VKORC1L1: variants seen among roughly 807,000 people sequenced by gnomAD.
VKORC1L1 encodes vitamin K epoxide reductase complex subunit 1-like protein 1.
VKORC1L1 carries 2 observed loss-of-function variants against 18.9 expected under a neutral mutation model. That is an observed-to-expected ratio of 0.11 (90% confidence interval 0.04 to 0.33). VKORC1L1 has a LOEUF of 0.33. Among genes scored for constraint, VKORC1L1 ranks in the 10% least tolerant of loss-of-function variants. The pLI is 1.00. For synonymous variants in VKORC1L1, 96 were observed against 100.0 expected, an observed-to-expected ratio of 0.96 and a Z score of 0.24; for missense variants, 123 against 224.1, an observed-to-expected ratio of 0.55 and a Z score of 2.88.
intron 1 of VKORC1L1, among the ~76,000 whole-genome samples, chr7:65,884,840 TA>T (rs1788986878): frequency 6.6e-6 from 1 of 152,204 alleles, no homozygotes; most frequent in South Asian, 2.1e-4. Flanking sequence ...GTTTCACATT[TA>T]AAAAATTTAT....
chr7:65,879,963 A>C lies in VKORC1L1; in HGVS notation c.194+6398A>C, dbSNP rs377274384. Among the ~76,000 whole-genome samples, 218 of 151,896 alleles carry C rather than the reference A, an allele frequency of 1.4e-3. 3 individuals are homozygous for C. Among genetic ancestry groups the C allele is most frequent in the South Asian group, 0.012 (57 of 4,822 alleles). ...ACCTCCCTGGGTCAAGTGATCCTCC[A>C]ACCTCAGCTTCCTGAGTAGCTGGGT... On this transcript the variant is annotated intron_variant, in intron 1 of 2. Transcript: ENST00000360768.
At chr7:65,934,313 C>T (rs1789906044) in intron 1 of VKORC1L1, among the ~76,000 whole-genome samples, 1 of 151,974 alleles carries the variant, frequency 6.6e-6, no homozygotes, top group African/African-American at 2.4e-5. Context: ...TATAATTTAC[C>T]AATATAATAT....
chr7:65,952,705 T>C (rs2115751721), intron 2 of VKORC1L1, among the ~76,000 whole-genome samples: 1 of 151,598 alleles, frequency 6.6e-6, no homozygotes, highest in East Asian at 1.9e-4. Context: ...ATATTCTCTA[T>C]ACTGTTGCCT....
chr7:65,954,686 C>G lies in VKORC1L1; in HGVS notation c.*386C>G. On this transcript the variant is annotated 3_prime_UTR_variant, in exon 3 of 3. Transcript: ENST00000360768. ...AATGTGATCATGACATGAAAATATT[C>G]TAGAATAGATACTGTATTAAATATT... The G allele has an allele frequency of 4.1e-6, 1 of 246,354 alleles. No homozygotes were observed. The highest frequency in any genetic ancestry group is 4.9e-5 in the Admixed American group (1 of 20,386). The allele number at this position is 246,354 out of a possible 1,614,324, so 15.3% of individuals were successfully genotyped here.
intron 1 of VKORC1L1, among the ~76,000 whole-genome samples, chr7:65,947,452 G>A (rs1790140297): frequency 2.7e-5 from 4 of 146,076 alleles, no homozygotes; most frequent in South Asian, 2.2e-4. Context: ...AAGCACTCTC[G>A]TTCAATCCAG....
Position 65,939,733 on chromosome 7 carries a change from A to G in VKORC1L1, c.195-8938A>G, listed in dbSNP as rs191299806. On this transcript the variant is annotated intron_variant, in intron 1 of 2. Coordinates refer to ENST00000360768, the MANE Select transcript of VKORC1L1 (RefSeq NM_173517.6). ...TAGCCAGAGCAGCGACAGGGAAGCC[A>G]CAGGTTACAACAGATTTGCGAACTC... is the stretch of plus-strand genomic sequence containing the variant. 2.7e-3 allele frequency among the ~76,000 whole-genome samples: 404 copies of G among 152,336 alleles called. 2 individuals are homozygous for G. The highest frequency in any genetic ancestry group is 9.3e-3 in the African/African-American group (386 of 41,578).
chr7:65,954,232 A>G lies in VKORC1L1; in HGVS notation c.463A>G (p.Ile155Val). Reference sequence around the variant, plus strand: ...CGTGCTGAACTTCCTTCTTCTCATTATCAACTACAAACGACTAGTTTACTT... The same window carrying G: ...CGTGCTGAACTTCCTTCTTCTCATTGTCAACTACAAACGACTAGTTTACTT... ...TYVLNFLLLI[I>V]NYKRLVYLNE... Residue 155 changes from isoleucine to valine, a missense_variant, in exon 3 of 3, where the codon ATC (isoleucine) becomes GTC (valine). Coordinates refer to ENST00000360768, the MANE Select transcript of VKORC1L1 (RefSeq NM_173517.6). The G allele has an allele frequency of 6.2e-7, 1 of 1,614,130 alleles. No individual in the cohort carries two copies. The highest frequency in any genetic ancestry group is 8.5e-7 in the Non-Finnish European group (1 of 1,180,042).
chr7:65,939,724 A>G (rs1220876074), intron 1 of VKORC1L1, among the ~76,000 whole-genome samples: 1 of 152,208 alleles, frequency 6.6e-6, no homozygotes, highest in Non-Finnish European at 1.5e-5. Context: ...GAGCAGCGAC[A>G]GGGAAGCCAC....
intron 1 of VKORC1L1, among the ~76,000 whole-genome samples, chr7:65,918,273 G>T (rs1789620573): frequency 1.3e-5 from 2 of 152,196 alleles, no homozygotes; most frequent in South Asian, 4.1e-4. Flanking sequence ...ACTCTTCAGG[G>T]AATGCAAAGT....
intron 1 of VKORC1L1, among the ~76,000 whole-genome samples, chr7:65,916,754 A>G (rs1789596056): frequency 2.6e-5 from 4 of 152,050 alleles, no homozygotes; most frequent in Admixed American, 6.5e-5. Flanking sequence ...CTGCGCCACC[A>G]TGCCTGGCTA....
intron 1 of VKORC1L1, among the ~76,000 whole-genome samples, chr7:65,937,213 T>A (rs1789958779): frequency 7.0e-6 from 1 of 143,618 alleles, no homozygotes; most frequent in African/African-American, 2.6e-5. Flanking sequence ...CCCAAGAAAC[T>A]CCAGTGTACT....
intron 1 of VKORC1L1, among the ~76,000 whole-genome samples, chr7:65,926,170 A>ATTT (rs869122114): frequency 7.5e-6 from 1 of 132,592 alleles, no homozygotes; most frequent in African/African-American, 2.7e-5. Context: ...TATTATTATT[A>ATTT]TTTGAGACAG....
intron 1 of VKORC1L1, among the ~76,000 whole-genome samples, chr7:65,942,491 C>CAAA (rs764138467): frequency 0.12 from 9,147 of 75,242 alleles, 452 homozygotes; most frequent in Admixed American, 0.16. Flanking sequence ...GACTCCATCT[C>CAAA]AAAAAAAAAA....
At chr7:65,866,596 C>A in the VKORC1L1 span, among the ~76,000 whole-genome samples, 1 of 152,154 alleles carries the variant, frequency 6.6e-6, no homozygotes, top group African/African-American at 2.4e-5. Context: ...AACACAGAGA[C>A]AGTTAGGTTA....
chr7:65,906,704 A>G (rs1789411651), intron 1 of VKORC1L1, among the ~76,000 whole-genome samples: 1 of 152,214 alleles, frequency 6.6e-6, no homozygotes. Context: ...ACATGGTAAT[A>G]AGCAGAGTCC....
In VKORC1L1 at chr7:65,957,965, A is replaced by T. The variant is rs73372611; in HGVS notation, c.*3665A>T. 3.1e-3 allele frequency: 479 copies of T among 152,364 alleles called. 4 individuals carry two copies. Among genetic ancestry groups the T allele is most frequent in the African/African-American group, 0.011 (457 of 41,582 alleles). 9.4% of individuals were successfully genotyped at this position (152,364 alleles called of 1,614,324 possible). On this transcript the variant is annotated 3_prime_UTR_variant, in exon 3 of 3. Transcript: ENST00000360768. ...TTAGATTGGTACCAAGAGTGACAGG[A>T]GATCTTGTCTTGGAAGATCATTATT... is the stretch of plus-strand genomic sequence containing the variant.
At chr7:65,901,633 G>A (rs1789318740) in intron 1 of VKORC1L1, among the ~76,000 whole-genome samples, 1 of 152,188 alleles carries the variant, frequency 6.6e-6, no homozygotes, top group South Asian at 2.1e-4. Flanking sequence ...GTCAAACAGA[G>A]CATGGTGTCT....
rs982508246 is a variant in VKORC1L1, at chr7:65,954,611, C to T, written c.*311C>T. 4.2e-5 allele frequency: 17 copies of T among 406,486 alleles called. No individual in the cohort carries two copies. The Admixed American group carries it at 6.8e-4, about 16-fold the overall frequency. 25.2% of individuals were successfully genotyped at this position (406,486 alleles called of 1,614,324 possible). On this transcript the variant is annotated 3_prime_UTR_variant, in exon 3 of 3. Coordinates refer to ENST00000360768, the MANE Select transcript of VKORC1L1 (RefSeq NM_173517.6). The stretch of plus-strand genomic sequence containing the variant: ...CTGCCCTCAATTGTAAAGTGAGCAA[C>T]CATTGCTAGTAATTCTTTAATGTGT...
At chr7:65,883,660 C>T (rs1292025402) in intron 1 of VKORC1L1, among the ~76,000 whole-genome samples, 5 of 151,196 alleles carry the variant, frequency 3.3e-5, no homozygotes, top group African/African-American at 4.9e-5. Flanking sequence ...CCACCAAACC[C>T]GGCTAATTTT....
Sources: allele counts gnomAD v4.1 joint callset (sites outside exome capture counted in the v4.1 genomes callset), GRCh38; gene constraint gnomAD v4.1.1; transcripts MANE v1.5; gene names NCBI Gene and HGNC (gene_info 2026-07-23, HGNC 2026-07-21).